Variants in NKD1 observed in about 807,000 individuals in gnomAD.
The protein encoded by NKD1 is NKD inhibitor of Wnt signaling pathway 1.
In NKD1, 21 loss-of-function variants were observed where a neutral mutation model predicts 56.0. That is an observed-to-expected ratio of 0.38 (90% CI 0.27 to 0.54). The LOEUF is 0.54. Among genes scored for constraint, NKD1 ranks in the 20% least tolerant of loss-of-function variants. The pLI is 0.82. For synonymous variants in NKD1, 263 were observed against 265.7 expected, an observed-to-expected ratio of 0.99 and a Z score of 0.10; for missense variants, 578 against 642.7, an observed-to-expected ratio of 0.90 and a Z score of 1.09.
chr16:50,606,090 C>T (rs935388711), intron 3 of NKD1: 6 of 150,296 alleles, frequency 4.0e-5, no homozygotes, highest in Non-Finnish European at 7.4e-5. Flanking sequence ...CAGAGTCTCA[C>T]ACTGTCACCT....
chr16:50,592,617 A>G (rs954135214), intron 3 of NKD1, among the ~76,000 whole-genome samples: 10 of 152,230 alleles, frequency 6.6e-5, no homozygotes, highest in Non-Finnish European at 1.5e-4. Context: ...AGCCACAAGT[A>G]GTTGTCTCAC....
At chr16:50,617,527 T>C (rs1961989689) in intron 4 of NKD1, among the ~76,000 whole-genome samples, 1 of 152,210 alleles carries the variant, frequency 6.6e-6, no homozygotes, top group Non-Finnish European at 1.5e-5. Context: ...ATGCCTTTAA[T>C]CTGGCAGTTG....
chr16:50,551,756 C>T (rs1164719527), intron 3 of NKD1: 2 of 151,352 alleles, frequency 1.3e-5, no homozygotes, highest in East Asian at 1.9e-4. Flanking sequence ...ATAACTAGGA[C>T]ATCAAACCCA....
intron 6 of NKD1, among the ~76,000 whole-genome samples, chr16:50,626,294 G>A (rs1384031038): frequency 6.6e-6 from 1 of 152,236 alleles, no homozygotes; most frequent in African/African-American, 2.4e-5. Flanking sequence ...AAACAGACAC[G>A]TTCCTCGCCC....
chr16:50,562,796 G>A (rs900388255), intron 3 of NKD1, among the ~76,000 whole-genome samples: 2 of 152,028 alleles, frequency 1.3e-5, no homozygotes, highest in Non-Finnish European at 2.9e-5. Context: ...TAGTGTAGCG[G>A]GACCTAATGA....
intron 3 of NKD1, among the ~76,000 whole-genome samples, chr16:50,563,417 A>G (rs570020579): frequency 2.0e-4 from 30 of 150,580 alleles, no homozygotes; most frequent in South Asian, 6.4e-4. Flanking sequence ...CTCAGTGGGC[A>G]CAGCCCTGGA....
chr16:50,629,035 G>A (rs1417819561), intron 6 of NKD1, among the ~76,000 whole-genome samples: 2 of 151,124 alleles, frequency 1.3e-5, no homozygotes, highest in East Asian at 1.9e-4. Flanking sequence ...GTGTGCTCAC[G>A]GCTCACTGCA....
rs1961536691 is a variant in NKD1, at chr16:50,598,968, G to T, written c.193-9326G>T. Among the ~76,000 whole-genome samples the T allele has an allele frequency of 6.6e-6, 1 of 151,984 alleles. No individual in the cohort carries two copies. The highest frequency in any genetic ancestry group is 2.4e-5 in the African/African-American group (1 of 41,362). On this transcript the variant is annotated intron_variant, in intron 3 of 9. Coordinates refer to ENST00000268459, the MANE Select transcript of NKD1 (RefSeq NM_033119.5). The surrounding 1 kb of genome is among the most constrained non-coding windows in gnomAD (Gnocchi z 4.2). ...GGTGGGGTCAGTGGTGTGGTGGGCAGTGGCTTAGAGAGGTCAGTGGTGGGT... is the reference window on the plus strand; with the variant it reads ...GGTGGGGTCAGTGGTGTGGTGGGCATTGGCTTAGAGAGGTCAGTGGTGGGT...
intron 3 of NKD1, among the ~76,000 whole-genome samples, chr16:50,572,334 C>T (rs1353700097): frequency 2.0e-5 from 3 of 152,210 alleles, no homozygotes; most frequent in Non-Finnish European, 2.9e-5. Context: ...GTCATTAACT[C>T]CTGGGGCTCC....
At chr16:50,595,958 G>A (rs1194482159) in intron 3 of NKD1, among the ~76,000 whole-genome samples, 1 of 152,206 alleles carries the variant, frequency 6.6e-6, no homozygotes, top group East Asian at 1.9e-4. Flanking sequence ...AATTTGGTGT[G>A]TGCTGGTTGG....
chr16:50,625,942 A>G (rs775103340), intron 6 of NKD1, among the ~76,000 whole-genome samples: 2 of 152,204 alleles, frequency 1.3e-5, no homozygotes, highest in Non-Finnish European at 2.9e-5. Flanking sequence ...CCAGAGCTCT[A>G]GGGGTGGGGC....
chr16:50,556,627 C>T (rs1252661909), intron 3 of NKD1: 2 of 152,170 alleles, frequency 1.3e-5, no homozygotes, highest in African/African-American at 2.4e-5. Flanking sequence ...CAGCCAAAGG[C>T]TCCCTGCCTG....
chr16:50,572,627 T>C (rs1347717214), intron 3 of NKD1, among the ~76,000 whole-genome samples: 1 of 151,966 alleles, frequency 6.6e-6, no homozygotes, highest in African/African-American at 2.4e-5. Context: ...TGAGAAGGGG[T>C]TCAGGGGATC....
intron 4 of NKD1, among the ~76,000 whole-genome samples, chr16:50,617,577 G>A (rs1177410827): frequency 6.6e-6 from 1 of 152,166 alleles, no homozygotes; most frequent in African/African-American, 2.4e-5. Context: ...CTAATGGGGA[G>A]AGAACCGTCA....
intron 3 of NKD1, among the ~76,000 whole-genome samples, chr16:50,562,773 C>T (rs1960662643): frequency 6.6e-6 from 1 of 152,046 alleles, no homozygotes; most frequent in African/African-American, 2.4e-5. Context: ...GGGAGGAGGG[C>T]ACTCCCCATT....
chr16:50,605,412 A>T (rs1366853615), intron 3 of NKD1, among the ~76,000 whole-genome samples: 1 of 152,250 alleles, frequency 6.6e-6, no homozygotes, highest in Non-Finnish European at 1.5e-5. Flanking sequence ...TGAAAGATGG[A>T]AAGACCAGGG....
chr16:50,561,737 C>T (rs1379287135), intron 3 of NKD1, among the ~76,000 whole-genome samples: 3 of 152,192 alleles, frequency 2.0e-5, no homozygotes, highest in East Asian at 3.8e-4. Context: ...TTAGCAACAA[C>T]ACATTCTCTT....
intron 2 of NKD1, chr16:50,549,105 T>A: frequency 6.8e-6 from 1 of 147,278 alleles, no homozygotes; most frequent in African/African-American, 2.7e-5. Flanking sequence ...CTGCACCTAC[T>A]GCGGCCCCTC....
chr16:50,636,168 G>C lies in NKD1; in HGVS notation c.*2387G>C, dbSNP rs1021244548. On this transcript the variant is annotated 3_prime_UTR_variant, in exon 10 of 10. Coordinates refer to ENST00000268459, the MANE Select transcript of NKD1 (RefSeq NM_033119.5). The stretch of plus-strand genomic sequence containing the variant: ...GGGTCACGTGGCCAACCTGCCGCAA[G>C]GGGGTGGGGTCTGTACCGGAAGACA... 1 of 152,282 alleles carries C rather than the reference G, an allele frequency of 6.6e-6. No homozygotes were observed. The highest frequency in any genetic ancestry group is 2.1e-4 in the South Asian group (1 of 4,828). The allele number at this position is 152,282 out of a possible 1,614,324, so 9.4% of individuals were successfully genotyped here. A position where few individuals can be genotyped will look rare whatever the true frequency, so the allele number is the denominator to read the frequency against.
Sources: allele counts gnomAD v4.1 joint callset (sites outside exome capture counted in the v4.1 genomes callset), GRCh38; gene constraint gnomAD v4.1.1; non-coding constraint Gnocchi (gnomAD v3.1); transcripts MANE v1.5; gene names NCBI Gene and HGNC (gene_info 2026-07-23, HGNC 2026-07-21).